The following RHEX variants were observed in gnomAD, a reference collection of about 807,000 sequenced individuals.
The protein encoded by RHEX is regulator of hemoglobinization and erythroid cell expansion protein.
A neutral mutation model predicts 20.1 loss-of-function variants in RHEX; 18 were observed. The ratio of observed to expected loss-of-function variants is 0.90; its 90% CI spans 0.62 to 1.33. The LOEUF is 1.33. Ranked by LOEUF, RHEX falls within the 40% of genes most tolerant of loss-of-function variation. The pLI is 0.00. For synonymous variants in RHEX, 87 were observed against 77.1 expected (o/e 1.13, Z -0.67); for missense variants, 192 against 214.3 (o/e 0.90, Z 0.65).
chr1:206,099,522 T>C, intron 3 of RHEX, 133 bp from the exon 4 acceptor site: 1 of 738,804 alleles, frequency 1.4e-6, no homozygotes, highest in South Asian at 1.9e-5. Context: ...TTTCACCATG[T>C]TGACCAGGCT....
intron 4 of RHEX, 112 bp downstream of exon 4, chr1:206,099,910 C>T (rs977183557): frequency 5.3e-6 from 5 of 951,562 alleles, no homozygotes; most frequent in African/African-American, 1.6e-5. Flanking sequence ...CCTGAGGATT[C>T]CTCACAGCCA....
chr1:206,079,657 G>C (rs1468496886), intron 1 of RHEX, among the ~76,000 whole-genome samples: 1 of 152,140 alleles, frequency 6.6e-6, no homozygotes, highest in African/African-American at 2.4e-5. Flanking sequence ...CTAGGTTCAA[G>C]CGAATCTCCT....
intron 1 of RHEX, among the ~76,000 whole-genome samples, chr1:206,078,885 T>C (rs1662683976): frequency 6.6e-6 from 1 of 152,206 alleles, no homozygotes; most frequent in South Asian, 2.1e-4. Context: ...CCCTAAGCCA[T>C]GACATGTTGA....
intron 1 of RHEX, among the ~76,000 whole-genome samples, chr1:206,059,472 C>T (rs1039522353): frequency 6.6e-6 from 1 of 152,070 alleles, no homozygotes; most frequent in Non-Finnish European, 1.5e-5. Flanking sequence ...CCAATGGGTT[C>T]CCCCCACCCC....
rs115917526 is a variant in RHEX at position 206,082,747 on chromosome 1, T to C, written c.-96-14986T>C. ...CAGTTGCCAAGTAGTGGAACCAGGA[T>C]TGAAACCTGACTATATCTAACTCAG... On this transcript the variant is annotated intron_variant, in intron 1 of 5. Transcript: ENST00000331555. Among the ~76,000 whole-genome samples, 840 of 152,312 alleles carry C rather than the reference T, an allele frequency of 5.5e-3. 11 individuals carry two copies. The highest frequency in any genetic ancestry group is 0.019 in the African/African-American group (779 of 41,560).
intron 1 of RHEX, among the ~76,000 whole-genome samples, chr1:206,084,786 A>G (rs995291849): frequency 6.6e-6 from 1 of 152,240 alleles, no homozygotes; most frequent in Admixed American, 6.5e-5. Context: ...GAATTTAAAG[A>G]TGACAGCCAC....
rs371396958 is a variant in RHEX at position 206,099,596 on chromosome 1, G to C, written c.113-59G>C. ...AGCCTCCCAAATTGCTGGGATTACA[G>C]GCATGAGCTACTGCGCCTGGCCAGT... On this transcript the variant is annotated intron_variant, in intron 3 of 5. Coordinates refer to ENST00000331555, the MANE Select transcript of RHEX (RefSeq NM_001007544.4). 14 of 1,560,192 alleles carry C rather than the reference G, an allele frequency of 9.0e-6. No individual in the cohort carries two copies. The African/African-American group carries it at 1.1e-4, about 12-fold the overall frequency.
chr1:206,055,254 C>A (rs1662164306), intron 1 of RHEX, among the ~76,000 whole-genome samples: 1 of 152,286 alleles, frequency 6.6e-6, no homozygotes, highest in Non-Finnish European at 1.5e-5. Flanking sequence ...TCTCTCATGG[C>A]AGGGAGGAGA....
chr1:206,090,012 C>T (rs1262918089), intron 1 of RHEX, among the ~76,000 whole-genome samples: 1 of 151,772 alleles, frequency 6.6e-6, no homozygotes, highest in Non-Finnish European at 1.5e-5. Context: ...ATTTTCTTTT[C>T]CCTTACAGGT....
chr1:206,073,668 C>T lies in RHEX; in HGVS notation c.-97+20403C>T, dbSNP rs185655986. On this transcript the variant is annotated intron_variant, in intron 1 of 5. Transcript: ENST00000331555. ...TATCCCGCTGTTCCTCCATGACTCCCTGTCTCGCGCAACCAACCCACTTGC... is the reference window on the plus strand; with the variant it reads ...TATCCCGCTGTTCCTCCATGACTCCTTGTCTCGCGCAACCAACCCACTTGC... 4.6e-5 allele frequency among the ~76,000 whole-genome samples: 7 copies of T among 152,206 alleles called. No individual in the cohort carries two copies. In the East Asian group the frequency reaches 7.7e-4, roughly 17 times the overall value.
At chr1:206,062,829 T>C (rs1662332259) in intron 1 of RHEX, among the ~76,000 whole-genome samples, 1 of 152,188 alleles carries the variant, frequency 6.6e-6, no homozygotes, top group Admixed American at 6.5e-5. Flanking sequence ...ATTGATTTAC[T>C]CCTTCTTTTC....
At chr1:206,081,250 C>G (rs558737139) in intron 1 of RHEX, among the ~76,000 whole-genome samples, 3 of 152,268 alleles carry the variant, frequency 2.0e-5, no homozygotes, top group Admixed American at 2.0e-4. Flanking sequence ...TTTATCCATG[C>G]CACAAACATG....
chr1:206,086,805 T>C (rs1450021834), intron 1 of RHEX, among the ~76,000 whole-genome samples: 3 of 152,002 alleles, frequency 2.0e-5, no homozygotes, highest in Non-Finnish European at 4.4e-5. Context: ...GCCCAGGAGT[T>C]TGAGAACAGC....
intron 1 of RHEX, among the ~76,000 whole-genome samples, chr1:206,055,590 A>G (rs1356441221): frequency 6.6e-6 from 1 of 152,278 alleles, no homozygotes; most frequent in Non-Finnish European, 1.5e-5. Context: ...GATCAATTTA[A>G]AGTCCGAAAT....
At chr1:206,066,881 CA>C (rs1416744789) in intron 1 of RHEX, among the ~76,000 whole-genome samples, 1 of 152,130 alleles carries the variant, frequency 6.6e-6, no homozygotes, top group Non-Finnish European at 1.5e-5. Flanking sequence ...CTCTGTATGT[CA>C]AAAGGTGAAA....
At chr1:206,059,658 C>A (rs1217187200) in intron 1 of RHEX, among the ~76,000 whole-genome samples, 1 of 152,134 alleles carries the variant, frequency 6.6e-6, no homozygotes, top group Non-Finnish European at 1.5e-5. Flanking sequence ...TGACTCCAGT[C>A]CTGGCTACAG....
At chr1:206,071,748 C>T (rs1180584826) in intron 1 of RHEX, among the ~76,000 whole-genome samples, 1 of 151,256 alleles carries the variant, frequency 6.6e-6, no homozygotes, top group Non-Finnish European at 1.5e-5. Context: ...ACTAGGGAAG[C>T]TGAGGCAGGA....
intron 1 of RHEX, among the ~76,000 whole-genome samples, chr1:206,064,890 A>G (rs1162044391): frequency 6.8e-6 from 1 of 147,998 alleles, no homozygotes; most frequent in African/African-American, 2.7e-5. Flanking sequence ...GTCTGTGTAG[A>G]AGGAGGTAGA....
intron 1 of RHEX, among the ~76,000 whole-genome samples, chr1:206,083,862 A>T (rs1553286186): frequency 6.6e-6 from 1 of 152,162 alleles, no homozygotes; most frequent in African/African-American, 2.4e-5. Flanking sequence ...ATCTGTCTAC[A>T]CTAGCAACAG....
Sources: allele counts gnomAD v4.1 joint callset (sites outside exome capture counted in the v4.1 genomes callset), GRCh38; gene constraint gnomAD v4.1.1; transcripts MANE v1.5; gene names NCBI Gene and HGNC (gene_info 2026-07-23, HGNC 2026-07-21).